The following FOCAD variants were observed in gnomAD, a reference collection of about 807,000 sequenced individuals.
FOCAD encodes the protein KIAA1797.
In FOCAD, 198 loss-of-function variants were observed where a neutral mutation model predicts 225.6. That is an observed-to-expected ratio of 0.88 (90% CI 0.78 to 0.99). The LOEUF (loss-of-function observed/expected upper bound fraction) is 0.99, where lower values mean the gene tolerates loss of function less well. Ranked by LOEUF, FOCAD falls within the 50% of genes least tolerant of loss-of-function variation. The probability of loss-of-function intolerance (pLI) is 0.00; values close to 1 mark genes in which losing one functional copy is unlikely to be tolerated. For synonymous variants in FOCAD, 897 were observed against 755.0 expected (o/e 1.19, Z -3.08); for missense variants, 2,713 against 2,123.6 (o/e 1.28, Z -5.46).
Position 20,932,957 on chromosome 9 carries a change from T to C in FOCAD, c.3318-57T>C, listed in dbSNP as rs1384446417. 5 of 1,222,130 alleles carry C rather than the reference T, an allele frequency of 4.1e-6. No homozygotes were observed. The African/African-American group carries it at 4.5e-5, about 11-fold the overall frequency. The allele number at this position is 1,222,130 out of a possible 1,614,324, so 75.7% of individuals were successfully genotyped here. On this transcript the variant is annotated intron_variant, in intron 27 of 43. Transcript: ENST00000338382. ...TGAGAGTATAATATTGTATTCAGTATTTTGGATAGTTGACTAATTTTAAAT... is the reference window on the plus strand; with the variant it reads ...TGAGAGTATAATATTGTATTCAGTACTTTGGATAGTTGACTAATTTTAAAT...
chr9:20,965,179 C>G (rs901291951), intron 35 of FOCAD, among the ~76,000 whole-genome samples: 3 of 152,118 alleles, frequency 2.0e-5, no homozygotes, highest in African/African-American at 7.2e-5. Flanking sequence ...TGAGAAAATA[C>G]CCTTGAATTT....
intron 24 of FOCAD, among the ~76,000 whole-genome samples, chr9:20,919,355 G>A (rs919190491): frequency 6.6e-6 from 1 of 152,162 alleles, no homozygotes; most frequent in Non-Finnish European, 1.5e-5. Flanking sequence ...TTCCTGGGTA[G>A]GAAGAATCAA....
chr9:20,946,876 T>G, intron 30 of FOCAD, 56 bp downstream of exon 30: 1 of 1,600,844 alleles, frequency 6.2e-7, no homozygotes, highest in South Asian at 1.1e-5. Flanking sequence ...GCTGCTAAGT[T>G]TTGCTTTTGA....
chr9:20,709,410 T>C (rs1824651829), intron 1 of FOCAD, among the ~76,000 whole-genome samples: 1 of 152,086 alleles, frequency 6.6e-6, no homozygotes, highest in Non-Finnish European at 1.5e-5. Context: ...TAAATTGTTT[T>C]TCCTTAATGT....
At chr9:20,892,099 C>G (rs537908766) in intron 21 of FOCAD, among the ~76,000 whole-genome samples, 2 of 152,184 alleles carry the variant, frequency 1.3e-5, no homozygotes, top group African/African-American at 4.8e-5. Context: ...TATTTTAATC[C>G]CACATTAAGA....
chr9:20,828,168 A>AG (rs1825106026), intron 15 of FOCAD, among the ~76,000 whole-genome samples: 1 of 151,886 alleles, frequency 6.6e-6, no homozygotes, highest in African/African-American at 2.4e-5. Context: ...AAAAAAAAAA[A>AG]AGAGAGAAAA....
chr9:20,979,534 T>A (rs1241103119), intron 37 of FOCAD, among the ~76,000 whole-genome samples: 2 of 152,174 alleles, frequency 1.3e-5, no homozygotes, highest in Non-Finnish European at 2.9e-5. Context: ...AGATGGGGTT[T>A]CACCAAGTTG....
intron 30 of FOCAD, among the ~76,000 whole-genome samples, chr9:20,947,837 C>A (rs373346269): frequency 3.1e-4 from 47 of 152,082 alleles, no homozygotes; most frequent in East Asian, 1.5e-3. Context: ...GTTATATACC[C>A]GCTCACTTAC....
At chr9:20,796,659 G>T (rs541689155) in intron 11 of FOCAD, among the ~76,000 whole-genome samples, 3 of 152,224 alleles carry the variant, frequency 2.0e-5, no homozygotes, top group African/African-American at 7.2e-5. Context: ...TTTTGATGGG[G>T]TTGTTTGTTT....
chr9:20,823,342 A>C (rs1389078558), intron 15 of FOCAD, among the ~76,000 whole-genome samples: 2 of 152,054 alleles, frequency 1.3e-5, no homozygotes, highest in African/African-American at 2.4e-5. Flanking sequence ...AGAAAACCAG[A>C]CTTAAGATTT....
intron 21 of FOCAD, among the ~76,000 whole-genome samples, chr9:20,905,844 C>T (rs928074894): frequency 4.6e-5 from 7 of 151,694 alleles, no homozygotes; most frequent in African/African-American, 1.5e-4. Flanking sequence ...TCACCCTGCT[C>T]GTTGTAGTAC....
Position 20,662,440 on chromosome 9 carries a change from A to C in FOCAD, c.-78+3614A>C, listed in dbSNP as rs534696943. ...GGTGACTGAGAGAAGCAAGGGAATA[A>C]AGACTGGGACATTTTAGTCTGGGAC... On this transcript the variant is annotated intron_variant, in intron 2 of 45. Coordinates refer to the FOCAD transcript ENST00000380249. Among the ~76,000 whole-genome samples, 5 of 152,268 alleles carry C rather than the reference A, an allele frequency of 3.3e-5. No individual in the cohort carries two copies. The South Asian group carries it at 1.0e-3, about 32-fold the overall frequency.
intron 35 of FOCAD, among the ~76,000 whole-genome samples, chr9:20,961,239 G>C (rs10811437): frequency 0.73 from 109,867 of 150,884 alleles, 40,140 homozygotes; most frequent in East Asian, 0.94. Flanking sequence ...GTGTAGACTC[G>C]TAAATTCCTA....
At chr9:20,737,999 C>T (rs1271110453) in intron 4 of FOCAD, among the ~76,000 whole-genome samples, 1 of 152,142 alleles carries the variant, frequency 6.6e-6, no homozygotes, top group African/African-American at 2.4e-5. Context: ...TTGTGAAGAA[C>T]TGGAGGATAT....
At position 20,922,675 on chromosome 9, in the gene FOCAD, G is replaced by A. The variant is rs184297211; in HGVS notation, c.2853-985G>A. On this transcript the variant is annotated intron_variant, in intron 24 of 43. Transcript: ENST00000338382. ...TGAGGTAAGCAGGAAGTGGTTCTTG[G>A]ATCATGCACTGAATTCAGATTCGGG... Among the ~76,000 whole-genome samples, 8 of 152,282 alleles carry A rather than the reference G, an allele frequency of 5.3e-5. No homozygotes were observed. In the East Asian group the frequency reaches 1.5e-3, roughly 29 times the overall value.
chr9:20,990,045 A>T, intron 41 of FOCAD, 78 bp from the exon 42 acceptor site: 1 of 1,553,942 alleles, frequency 6.4e-7, no homozygotes, highest in Non-Finnish European at 8.8e-7. Context: ...GCCTCACGAC[A>T]GGGGCTGTGT....
chr9:20,885,734 T>C (rs1831052967), intron 21 of FOCAD, among the ~76,000 whole-genome samples: 3 of 152,212 alleles, frequency 2.0e-5, no homozygotes, highest in Non-Finnish European at 1.5e-5. Flanking sequence ...ATATGAAATC[T>C]GATTATTGCA....
intron 19 of FOCAD, chr9:20,875,076 G>T: frequency 2.6e-6 from 1 of 377,980 alleles, no homozygotes; most frequent in Non-Finnish European, 4.7e-6. Context: ...CATTTAAAAG[G>T]CTAAATGTAT....
intron 22 of FOCAD, among the ~76,000 whole-genome samples, chr9:20,910,698 A>T (rs1428288773): frequency 6.6e-6 from 1 of 152,038 alleles, no homozygotes; most frequent in Non-Finnish European, 1.5e-5. Context: ...CAAAAATGTT[A>T]ATCAGAAAGC....
Sources: gnomAD v4.1 joint callset for allele counts (sites outside exome capture counted in the v4.1 genomes callset) on GRCh38, gnomAD v4.1.1 for gene constraint, MANE v1.5 for transcripts, NCBI Gene and HGNC (gene_info 2026-07-23, HGNC 2026-07-21) for gene names.